The following ZNF226 variants were observed in gnomAD, a reference collection of about 807,000 sequenced individuals.
The protein encoded by ZNF226 is zinc finger protein 226, also known as Kruppel-associated box protein.
Under a neutral mutation model 11.4 loss-of-function variants are expected in ZNF226, and 6 were observed. The observed-to-expected ratio is 0.53, with a 90% CI of 0.29 to 1.04. The LOEUF (loss-of-function observed/expected upper bound fraction) is 1.04. Among genes scored for constraint, ZNF226 ranks in the 50% least tolerant of loss-of-function variants. The pLI is 0.08. For missense variants in ZNF226, 1,058 were observed against 956.5 expected (o/e 1.11, Z -1.40); for synonymous variants, 350 against 322.8 (o/e 1.08, Z -0.90).
At chr19:44,166,214 A>T (rs1483697379) in intron 2 of ZNF226, among the ~76,000 whole-genome samples, 3 of 152,256 alleles carry the variant, frequency 2.0e-5, no homozygotes, top group African/African-American at 7.2e-5. Context: ...CTTTTAAAAA[A>T]TAGTGGCTGG....
chr19:44,182,776 A>T (rs144299476), downstream of ZNF226, among the ~76,000 whole-genome samples: 6 of 152,314 alleles, frequency 3.9e-5, no homozygotes, highest in Non-Finnish European at 8.8e-5. Flanking sequence ...AGACAAAATG[A>T]GTGCGTTTAT....
chr19:44,172,147 G>A lies in ZNF226; in HGVS notation c.75G>A (p.Leu25=), dbSNP rs200243287. 1.9e-6 allele frequency: 3 copies of A among 1,613,334 alleles called. No homozygotes were observed. Among genetic ancestry groups the A allele is most frequent in the African/African-American group, 2.7e-5 (2 of 75,046 alleles). The change falls in exon 4 of 6, where the codon CTG becomes CTA. Residue 25 remains leucine, a synonymous_variant. Coordinates refer to ENST00000337433, the MANE Select transcript of ZNF226 (RefSeq NM_001032373.2). ...VAFTEEELGL[L]GPAQRKLYRD... ...TCACGGAGGAGGAATTGGGGCTGCT[G>A]GGCCCTGCCCAGAGGAAGCTGTACC... is the stretch of plus-strand genomic sequence containing the variant.
At chr19:44,188,930 AT>A in the ZNF226 span, among the ~76,000 whole-genome samples, 1 of 152,154 alleles carries the variant, frequency 6.6e-6, no homozygotes, top group Non-Finnish European at 1.5e-5. Flanking sequence ...TTTTGAAACA[AT>A]TTTTCTTGAC....
In ZNF226 at chr19:44,176,440, G is replaced by A. The variant is rs777480768; in HGVS notation, c.1178G>A (p.Cys393Tyr). ...RLHTGEKPFK[C>Y]DACGKSFSRN... is the part of the protein sequence containing the mutation. ...CACACTGGGGAGAAGCCATTCAAAT[G>A]TGATGCATGTGGTAAGAGCTTCAGT... Residue 393 changes from cysteine (C) to tyrosine (Y), a missense_variant, in exon 6 of 6, where the codon TGT (cysteine) becomes TAT (tyrosine). Cys to Tyr is a radical substitution (Grantham distance 194, BLOSUM62 -2). Transcript: ENST00000337433. 4 of 1,614,122 alleles carry A rather than the reference G, an allele frequency of 2.5e-6. No individual in the cohort carries two copies. In the South Asian group the frequency reaches 4.4e-5, roughly 18 times the overall value.
At chr19:44,169,395 G>A (rs1969808973) in intron 2 of ZNF226, among the ~76,000 whole-genome samples, 1 of 152,106 alleles carries the variant, frequency 6.6e-6, no homozygotes, top group South Asian at 2.1e-4. Context: ...TATTAGTTCA[G>A]TGTTGGCAAA....
downstream of ZNF226, among the ~76,000 whole-genome samples, chr19:44,182,654 C>T (rs10418801): frequency 4.8e-3 from 729 of 151,872 alleles, 6 homozygotes; most frequent in African/African-American, 0.017. Flanking sequence ...TCTCGGCAGA[C>T]CAGGAATGGG....
intron 2 of ZNF226, among the ~76,000 whole-genome samples, chr19:44,167,189 C>G (rs1273323750): frequency 2.0e-5 from 3 of 152,076 alleles, no homozygotes; most frequent in Non-Finnish European, 2.9e-5. Context: ...TACTGGAGGC[C>G]TTCTGCCTGA....
chr19:44,172,906 G>C lies in ZNF226; in HGVS notation c.189G>C (p.Glu63Asp), dbSNP rs1423862738. Residue 63 changes from glutamate (E) to aspartate (D), a missense_variant, in exon 5 of 6, where the codon GAG (glutamate) becomes GAC (aspartate). Glu to Asp is a conservative substitution (Grantham distance 45). Transcript: ENST00000337433. ...KQDVSPIERN[E>D]QLWIMTTATR... ...ATGTATCACCTATAGAAAGAAATGAGCAGCTTTGGATAATGACGACAGCAA... is the reference window on the plus strand; with the variant it reads ...ATGTATCACCTATAGAAAGAAATGACCAGCTTTGGATAATGACGACAGCAA... 1 of 1,606,256 alleles carries C rather than the reference G, an allele frequency of 6.2e-7. No individual in the cohort carries two copies. Among genetic ancestry groups the C allele is most frequent in the African/African-American group, 1.3e-5 (1 of 74,846 alleles).
chr19:44,196,156 G>A, the ZNF226 span, among the ~76,000 whole-genome samples: 10 of 152,164 alleles, frequency 6.6e-5, no homozygotes, highest in Non-Finnish European at 1.3e-4. Flanking sequence ...AATGAGGTAT[G>A]TGAGTGGACT....
At chr19:44,168,861 TTGA>T (rs1362982279) in intron 2 of ZNF226, among the ~76,000 whole-genome samples, 13 of 152,164 alleles carry the variant, frequency 8.5e-5, no homozygotes, top group Non-Finnish European at 1.8e-4. Flanking sequence ...TTAGCAGCTA[TTGA>T]TGATGTTCTA....
Position 44,175,774 on chromosome 19 carries a change from A to C in ZNF226, c.512A>C (p.Asp171Ala). 1 of 1,613,722 alleles carries C rather than the reference A, an allele frequency of 6.2e-7. No individual in the cohort carries two copies. Among genetic ancestry groups the C allele is most frequent in the Non-Finnish European group, 8.5e-7 (1 of 1,179,768 alleles). ...NPEFPILRTQ[D>A]SWRKTFLTES... ...GAGTTTCCTATCTTGAGAACCCAGGATTCTTGGAGGAAAACATTCCTGACT... is the reference window on the plus strand; with the variant it reads ...GAGTTTCCTATCTTGAGAACCCAGGCTTCTTGGAGGAAAACATTCCTGACT... Residue 171 changes from aspartate (D) to alanine (A), a missense_variant, in exon 6 of 6, where the codon GAT (aspartate) becomes GCT (alanine). By Grantham distance (126) the Asp-to-Ala change is moderately radical. Coordinates refer to ENST00000337433, the MANE Select transcript of ZNF226 (RefSeq NM_001032373.2).
At chr19:44,198,495 T>C in the ZNF226 span, among the ~76,000 whole-genome samples, 1 of 152,234 alleles carries the variant, frequency 6.6e-6, no homozygotes, top group Non-Finnish European at 1.5e-5. Context: ...TGTGTCATGA[T>C]TGTTTAATTT....
chr19:44,179,385 T>A (rs1289577407), downstream of ZNF226, among the ~76,000 whole-genome samples: 1 of 152,172 alleles, frequency 6.6e-6, no homozygotes, highest in African/African-American at 2.4e-5. Context: ...AAATATAATT[T>A]AAAAAATTAC....
In ZNF226 at chr19:44,176,268, A is replaced by G; in HGVS notation, c.1006A>G (p.Lys336Glu). The G allele has an allele frequency of 6.2e-7, 1 of 1,614,198 alleles. No homozygotes were observed. Residue 336 changes from lysine (K) to glutamate (E), a missense_variant, in exon 6 of 6, where the codon AAA becomes GAA. By Grantham distance (56) the Lys-to-Glu change is moderately conservative. Coordinates refer to ENST00000337433, the MANE Select transcript of ZNF226 (RefSeq NM_001032373.2). ...QKVHVIEKPY[K>E]CKQCGKGFSR... Reference sequence around the variant, plus strand: ...AGTCCACGTGATAGAGAAACCATACAAATGTAAGCAATGTGGGAAAGGTTT... The same window carrying G: ...AGTCCACGTGATAGAGAAACCATACGAATGTAAGCAATGTGGGAAAGGTTT...
chr19:44,168,998 CTTT>C (rs34967576), intron 2 of ZNF226, among the ~76,000 whole-genome samples: 2 of 90,804 alleles, frequency 2.2e-5, no homozygotes, highest in African/African-American at 5.9e-5. Context: ...CTCCCTTTTC[CTTT>C]TTTTTTTTTT....
chr19:44,179,816 C>T (rs536579499), downstream of ZNF226, among the ~76,000 whole-genome samples: 1 of 151,916 alleles, frequency 6.6e-6, no homozygotes, highest in Admixed American at 6.6e-5. Flanking sequence ...GGTGCGGTTG[C>T]TCGTGCCTCT....
rs991271832 is a variant in ZNF226 at position 44,177,304 on chromosome 19, A to G, written c.2042A>G (p.Lys681Arg). ...YKCDECGKGF[K>R]WSLNLDMHQR... ...TGTGATGAGTGTGGGAAGGGCTTCA[A>G]GTGGAGCTTGAACCTTGACATGCAT... The change falls in exon 6 of 6, where the codon AAG becomes AGG. Residue 681 changes from lysine to arginine, a missense_variant. By Grantham distance (26) the Lys-to-Arg change is conservative (BLOSUM62 2). Coordinates refer to ENST00000337433, the MANE Select transcript of ZNF226 (RefSeq NM_001032373.2). 6 of 1,613,982 alleles carry G rather than the reference A, an allele frequency of 3.7e-6. No homozygotes were observed. In the Admixed American group the frequency reaches 6.7e-5, roughly 18 times the overall value.
chr19:44,189,194 C>T, the ZNF226 span, among the ~76,000 whole-genome samples: 1 of 152,056 alleles, frequency 6.6e-6, no homozygotes, highest in Non-Finnish European at 1.5e-5. Flanking sequence ...TGTACTTCCA[C>T]AGAAATTTGA....
At position 44,175,956 on chromosome 19, in the gene ZNF226, GACA is replaced by G; in HGVS notation, c.698_700del (p.Asn233del). On this transcript the variant is annotated inframe_deletion, in exon 6 of 6. Coordinates refer to ENST00000337433, the MANE Select transcript of ZNF226 (RefSeq NM_001032373.2). Reference sequence around the variant, plus strand: ...TTATAGACCCAATGATTATGAAAAAGACAACATGAAGATTTTGACATTTGATCA... The same window carrying G: ...TTATAGACCCAATGATTATGAAAAAGACATGAAGATTTTGACATTTGATCA... 3.1e-6 allele frequency: 5 copies of G among 1,613,766 alleles called. No homozygotes were observed. Among genetic ancestry groups the G allele is most frequent in the Non-Finnish European group, 4.2e-6 (5 of 1,179,844 alleles).
Sources: gnomAD v4.1 joint callset for allele counts (sites outside exome capture counted in the v4.1 genomes callset) on GRCh38, gnomAD v4.1.1 for gene constraint, MANE v1.5 for transcripts, NCBI Gene and HGNC (gene_info 2026-07-23, HGNC 2026-07-21) for gene names.